The following CPEB2 variants were observed in gnomAD, a reference collection of about 807,000 sequenced individuals.
CPEB2 encodes the protein cytoplasmic polyadenylation element-binding protein 2.
Under a neutral mutation model 93.6 loss-of-function variants are expected in CPEB2, and 56 were observed. The ratio of observed to expected loss-of-function variants is 0.60; its 90% CI spans 0.48 to 0.75. The LOEUF is 0.75. Ranked by LOEUF, CPEB2 falls within the 30% of genes least tolerant of loss-of-function variation. CPEB2 has a pLI of 0.00. For missense variants in CPEB2, 1,579 were observed against 1,395.1 expected (o/e 1.13, Z -2.10); for synonymous variants, 764 against 586.3 (o/e 1.30, Z -4.38).
At chr4:15,012,295 CTATTT>C (rs1560217699) in intron 3 of CPEB2, among the ~76,000 whole-genome samples, 1 of 152,100 alleles carries the variant, frequency 6.6e-6, no homozygotes, top group African/African-American at 2.4e-5. Context: ...TTCCACTTGT[CTATTT>C]TAATTCTTGT....
intron 6 of CPEB2, among the ~76,000 whole-genome samples, chr4:15,050,971 A>G (rs1728167148): frequency 6.6e-6 from 1 of 152,228 alleles, no homozygotes; most frequent in South Asian, 2.1e-4. Flanking sequence ...TCCTAACAGC[A>G]TATAAAACTT....
Position 15,003,163 on chromosome 4 carries a change from C to T in CPEB2, c.490C>T (p.Gln164Ter). ...SCCCCRTSSP[Q>*]DFSKRQQQQL... ...CTGCTGCTGCCGCACCTCCTCCCCG[C>T]AGGACTTCAGTAAGCGGCAGCAGCA... Residue 164 changes from glutamine (Q) to a stop codon, truncating the protein, a stop_gained, in exon 1 of 12, where the codon CAG becomes TAG. Coordinates refer to ENST00000538197, the MANE Select transcript of CPEB2 (RefSeq NM_001177382.2). LOFTEE classifies it high-confidence loss of function. The T allele has an allele frequency of 6.5e-7, 1 of 1,534,480 alleles. No homozygotes were observed. The highest frequency in any genetic ancestry group is 8.7e-7 in the Non-Finnish European group (1 of 1,146,248).
At chr4:15,020,450 C>T (rs1724683258) in intron 4 of CPEB2, among the ~76,000 whole-genome samples, 1 of 152,120 alleles carries the variant, frequency 6.6e-6, no homozygotes, top group Non-Finnish European at 1.5e-5. Flanking sequence ...AGGTTCCTGA[C>T]CTAACTGAGG....
chr4:15,061,949 T>A, intron 10 of CPEB2, 130 bp from the exon 11 acceptor site: 1 of 830,126 alleles, frequency 1.2e-6, no homozygotes. Context: ...AACAACAGCC[T>A]CTTATCTGCC....
intron 3 of CPEB2, among the ~76,000 whole-genome samples, chr4:15,011,104 T>TC (rs1553851543): frequency 6.8e-6 from 1 of 147,710 alleles, no homozygotes; most frequent in Non-Finnish European, 1.5e-5. Context: ...TTCTTTTCTT[T>TC]TTTTTTTTTT....
At chr4:15,008,081 G>A (rs971471814) in intron 2 of CPEB2, among the ~76,000 whole-genome samples, 2 of 151,986 alleles carry the variant, frequency 1.3e-5, no homozygotes, top group Non-Finnish European at 2.9e-5. Flanking sequence ...CTAATTCACC[G>A]ATTATTTTTT....
intron 6 of CPEB2, among the ~76,000 whole-genome samples, chr4:15,043,088 T>C (rs1156311269): frequency 6.6e-6 from 1 of 152,186 alleles, no homozygotes. Context: ...ACTTTTGTAG[T>C]CCTGTTCAGG....
intron 11 of CPEB2, among the ~76,000 whole-genome samples, chr4:15,065,395 A>G (rs1310228210): frequency 6.6e-6 from 1 of 152,054 alleles, no homozygotes; most frequent in Non-Finnish European, 1.5e-5. Context: ...TTCCATTCAT[A>G]AAGTTATCAC....
chr4:15,046,254 T>C (rs548244982), intron 6 of CPEB2, among the ~76,000 whole-genome samples: 114 of 152,062 alleles, frequency 7.5e-4, no homozygotes, highest in Non-Finnish European at 1.4e-3. Flanking sequence ...GGAGTTTTGC[T>C]CGTGCTGCCC....
At chr4:15,022,222 A>G (rs1373064376) in intron 4 of CPEB2, among the ~76,000 whole-genome samples, 1 of 152,136 alleles carries the variant, frequency 6.6e-6, no homozygotes, top group East Asian at 1.9e-4. Flanking sequence ...AGCAATGGTA[A>G]AGAGATCTTT....
At position 15,055,416 on chromosome 4, in the gene CPEB2, T is replaced by C. The variant is rs1269115253; in HGVS notation, c.2461+1199T>C. The stretch of plus-strand genomic sequence containing the variant: ...AGATGTTTATTTATTAGCTTAGTTT[T>C]AGTGTTGTCCATAGTTTTACTCTCT... On this transcript the variant is annotated intron_variant, in intron 8 of 11. Coordinates refer to ENST00000538197, the MANE Select transcript of CPEB2 (RefSeq NM_001177382.2). 2.6e-5 allele frequency among the ~76,000 whole-genome samples: 4 copies of C among 152,196 alleles called. No homozygotes were observed. The East Asian group carries it at 7.7e-4, about 29-fold the overall frequency.
At chr4:15,060,251 A>G (rs940983153) in intron 10 of CPEB2, among the ~76,000 whole-genome samples, 6 of 152,180 alleles carry the variant, frequency 3.9e-5, no homozygotes, top group Non-Finnish European at 5.9e-5. Flanking sequence ...GGGTCAAATC[A>G]TACAAGTCTA....
chr4:15,009,935 G>GTATTATAAC (rs1490337074), intron 3 of CPEB2, among the ~76,000 whole-genome samples: 1 of 152,166 alleles, frequency 6.6e-6, no homozygotes, highest in African/African-American at 2.4e-5. Flanking sequence ...GCTTTTACCT[G>GTATTATAAC]TATTATAACC....
At chr4:15,019,210 A>G (rs1560223964) in intron 4 of CPEB2, among the ~76,000 whole-genome samples, 1 of 151,546 alleles carries the variant, frequency 6.6e-6, no homozygotes, top group African/African-American at 2.4e-5. Context: ...AAATCGAGAA[A>G]CTTTCTCTGC....
rs1208097472 is a variant in CPEB2 at position 15,068,265 on chromosome 4, T to C, written c.*1885T>C. 6.6e-6 allele frequency: 1 copy of C among 152,392 alleles called. No individual in the cohort carries two copies. Among genetic ancestry groups the C allele is most frequent in the Non-Finnish European group, 1.5e-5 (1 of 67,902 alleles). The allele number at this position is 152,392 out of a possible 1,614,324, so 9.4% of individuals were successfully genotyped here. On this transcript the variant is annotated 3_prime_UTR_variant, in exon 12 of 12. Coordinates refer to ENST00000538197, the MANE Select transcript of CPEB2 (RefSeq NM_001177382.2). ...AAAATATGTGGTTCATGTCTAACTC[T>C]GCTGTTTTATTGTGGTTGTGGTTCA...
At chr4:15,021,928 T>A (rs921812894) in intron 4 of CPEB2, among the ~76,000 whole-genome samples, 2 of 152,200 alleles carry the variant, frequency 1.3e-5, no homozygotes, top group African/African-American at 4.8e-5. Context: ...AGGTGCTGAC[T>A]GATTATGGTA....
In CPEB2 at chr4:15,059,218, G is replaced by A. The variant is rs1177013736; in HGVS notation, c.2612G>A (p.Ser871Asn). The A allele has an allele frequency of 6.2e-7, 1 of 1,611,806 alleles. No individual in the cohort carries two copies. Among genetic ancestry groups the A allele is most frequent in the South Asian group, 1.1e-5 (1 of 90,856 alleles). Residue 871 changes from serine to asparagine, a missense_variant, in exon 10 of 12, where the codon AGT (serine) becomes AAT (asparagine). Transcript: ENST00000538197. ...ATACGTCCTTGGAATTTAAGTGATA[G>A]TGATTTTGTAATGGATGGTTCTCAG... ...VQIRPWNLSD[S>N]DFVMDGSQPL... is the part of the protein sequence containing the mutation.
chr4:15,022,187 A>C (rs1724887545), intron 4 of CPEB2, among the ~76,000 whole-genome samples: 1 of 151,974 alleles, frequency 6.6e-6, no homozygotes, highest in Non-Finnish European at 1.5e-5. Flanking sequence ...TGTAGAACAC[A>C]CCTGGAGAAA....
intron 6 of CPEB2, among the ~76,000 whole-genome samples, chr4:15,050,781 TC>T (rs1728151892): frequency 6.6e-6 from 1 of 152,230 alleles, no homozygotes; most frequent in African/African-American, 2.4e-5. Flanking sequence ...TTCTGCTTCT[TC>T]CTTGTAAGTT....
Sources: gnomAD v4.1 joint callset for allele counts (sites outside exome capture counted in the v4.1 genomes callset) on GRCh38, gnomAD v4.1.1 for gene constraint, MANE v1.5 for transcripts, NCBI Gene and HGNC (gene_info 2026-07-23, HGNC 2026-07-21) for gene names.